Variants in TET1 observed in about 807,000 individuals in gnomAD.
TET1 encodes methylcytosine dioxygenase TET1.
Under a neutral mutation model 148.7 loss-of-function variants are expected in TET1, and 13 were observed. That is an observed-to-expected ratio of 0.09 (90% CI 0.06 to 0.14). TET1 has a LOEUF of 0.14. Among genes scored for constraint, TET1 ranks in the 10% least tolerant of loss-of-function variants. The probability of loss-of-function intolerance (pLI) is 1.00; values close to 1 mark genes in which losing one functional copy is unlikely to be tolerated. For missense variants in TET1, 2,182 were observed against 2,553.8 expected, an observed-to-expected ratio of 0.85 and a Z score of 3.14; for synonymous variants, 907 against 937.2, an observed-to-expected ratio of 0.97 and a Z score of 0.59.
intron 7 of TET1, among the ~76,000 whole-genome samples, chr10:68,670,104 G>A (rs1268836586): frequency 2.6e-5 from 4 of 152,046 alleles, no homozygotes; most frequent in Non-Finnish European, 5.9e-5. Context: ...AATAATACTT[G>A]AATGTATTTA....
intron 3 of TET1, among the ~76,000 whole-genome samples, chr10:68,641,653 C>A (rs1053463835): frequency 3.1e-5 from 3 of 97,798 alleles, no homozygotes; most frequent in East Asian, 3.2e-4. Flanking sequence ...CGTACGCCAC[C>A]CTGCCCGGCT....
chr10:68,633,433 T>C (rs1424767810), intron 3 of TET1, among the ~76,000 whole-genome samples: 1 of 151,922 alleles, frequency 6.6e-6, no homozygotes, highest in Non-Finnish European at 1.5e-5. Context: ...CAGGCTGGAG[T>C]ACAGTGGTGT....
At chr10:68,651,149 T>G (rs2054926218) in intron 4 of TET1, among the ~76,000 whole-genome samples, 1 of 152,192 alleles carries the variant, frequency 6.6e-6, no homozygotes, top group Non-Finnish European at 1.5e-5. Flanking sequence ...ACAAGGAACA[T>G]TCTTTTGTAA....
intron 2 of TET1, among the ~76,000 whole-genome samples, chr10:68,598,182 A>G (rs1247576114): frequency 2.6e-5 from 4 of 152,220 alleles, no homozygotes; most frequent in Non-Finnish European, 4.4e-5. Context: ...TGAGGTCAAG[A>G]GTCCGAGACC....
intron 8 of TET1, chr10:68,674,997 A>G: frequency 5.0e-6 from 2 of 399,436 alleles, no homozygotes; most frequent in South Asian, 4.5e-5. Context: ...GGGGAAACTC[A>G]TGGAGCTTTA....
At chr10:68,611,348 A>C (rs1488061174) in intron 3 of TET1, among the ~76,000 whole-genome samples, 1 of 151,948 alleles carries the variant, frequency 6.6e-6, no homozygotes, top group East Asian at 1.9e-4. Flanking sequence ...GCAGTAGCAC[A>C]CTCATGTAGT....
chr10:68,685,802 G>T (rs1366189009), intron 10 of TET1, among the ~76,000 whole-genome samples: 2 of 152,014 alleles, frequency 1.3e-5, no homozygotes, highest in African/African-American at 4.8e-5. Context: ...CTCCTCACTG[G>T]AATAGAGCAG....
intron 8 of TET1, chr10:68,673,429 G>A (rs1167317910): frequency 9.8e-6 from 4 of 407,644 alleles, no homozygotes; most frequent in African/African-American, 2.1e-5. Flanking sequence ...ACTAAAGGAC[G>A]TAATCCAGAA....
intron 2 of TET1, among the ~76,000 whole-genome samples, chr10:68,590,435 A>G (rs1394949529): frequency 6.6e-6 from 1 of 151,964 alleles, no homozygotes; most frequent in African/African-American, 2.4e-5. Flanking sequence ...CCCAGCTACT[A>G]CATGCTTTTC....
chr10:68,592,178 T>C (rs2053925943), intron 2 of TET1, among the ~76,000 whole-genome samples: 1 of 151,806 alleles, frequency 6.6e-6, no homozygotes. Context: ...TAGCTGGGCA[T>C]GGTGGCGGGC....
chr10:68,674,711 T>A, intron 8 of TET1: 1 of 482,040 alleles, frequency 2.1e-6, no homozygotes, highest in South Asian at 1.6e-5. Context: ...TACCGGTGCT[T>A]ACTTGCTTCA....
chr10:68,632,302 A>T lies in TET1; in HGVS notation c.1969-12396A>T, dbSNP rs2054585133. 11 of 1,306,280 alleles carry T rather than the reference A, an allele frequency of 8.4e-6. No individual in the cohort carries two copies. The South Asian group carries it at 1.3e-4, about 16-fold the overall frequency. The allele number at this position is 1,306,280 out of a possible 1,614,324, so 80.9% of individuals were successfully genotyped here. On this transcript the variant is annotated intron_variant, in intron 3 of 11. Coordinates refer to ENST00000373644, the MANE Select transcript of TET1 (RefSeq NM_030625.3). Reference sequence around the variant, plus strand: ...CCGCCACTGCACTCCAGCCTGGGTGACAGAGCCAGATTCCCTTTCAAAAAA... The same window carrying T: ...CCGCCACTGCACTCCAGCCTGGGTGTCAGAGCCAGATTCCCTTTCAAAAAA...
intron 3 of TET1, among the ~76,000 whole-genome samples, chr10:68,609,086 C>T (rs1443366662): frequency 6.6e-6 from 1 of 152,090 alleles, no homozygotes; most frequent in Non-Finnish European, 1.5e-5. Context: ...CAGCCAAAAC[C>T]TACTGGGCTC....
At position 68,632,247 on chromosome 10, in the gene TET1, G is replaced by A. The variant is rs973326529; in HGVS notation, c.1969-12451G>A. 5.7e-5 allele frequency: 44 copies of A among 769,642 alleles called. 2 individuals carry two copies. The Middle Eastern group carries it at 1.9e-3, about 34-fold the overall frequency. The allele number at this position is 769,642 out of a possible 1,614,324, so 47.7% of individuals were successfully genotyped here. A position where few individuals can be genotyped will look rare whatever the true frequency, so the allele number is the denominator to read the frequency against. On this transcript the variant is annotated intron_variant, in intron 3 of 11. Transcript: ENST00000373644. ...TGAGGCAGGAGAATGGCGTGAACCC[G>A]GGAGGCGGAGCTTGCAGTGAGCCGA...
At position 68,572,357 on chromosome 10, in the gene TET1, G is replaced by C. The variant is rs868113716; in HGVS notation, c.19G>C (p.Ala7Pro). 1 of 1,604,696 alleles carries C rather than the reference G, an allele frequency of 6.2e-7. No individual in the cohort carries two copies. The highest frequency in any genetic ancestry group is 1.4e-5 in the African/African-American group (1 of 73,936). MSRSRH[A>P]RPSRLVRKED... Reference sequence around the variant, plus strand: ...TGTAGCTATGTCTCGATCCCGCCATGCAAGGCCTTCCAGATTAGTCAGGAA... The same window carrying C: ...TGTAGCTATGTCTCGATCCCGCCATCCAAGGCCTTCCAGATTAGTCAGGAA... Residue 7 changes from alanine to proline, a missense_variant, in exon 2 of 12, where the codon GCA becomes CCA. By Grantham distance (27) the Ala-to-Pro change is conservative (BLOSUM62 -1). Coordinates refer to ENST00000373644, the MANE Select transcript of TET1 (RefSeq NM_030625.3).
At chr10:68,605,776 A>G (rs113034619) in intron 3 of TET1, among the ~76,000 whole-genome samples, 5,958 of 152,286 alleles carry the variant, frequency 0.039, 392 homozygotes, top group African/African-American at 0.14. Context: ...CAGCCTCCCA[A>G]AATGCTGGGA....
intron 3 of TET1, among the ~76,000 whole-genome samples, chr10:68,630,620 G>A (rs537624492): frequency 2.0e-5 from 3 of 152,264 alleles, no homozygotes; most frequent in East Asian, 1.9e-4. Flanking sequence ...TGGCCTAGAC[G>A]TGGTTGACTT....
rs1252405324 is a variant in TET1 at position 68,645,276 on chromosome 10, A to G, written c.2547A>G (p.Ile849Met). The G allele has an allele frequency of 2.5e-6, 4 of 1,614,054 alleles. No individual in the cohort carries two copies. In the African/African-American group the frequency reaches 5.3e-5, roughly 22 times the overall value. Reference protein sequence around the residue: ...SHSIINHHASIHNEGDQPKTP... With the variant: ...SHSIINHHASMHNEGDQPKTP... Reference sequence around the variant, plus strand: ...CCATCATAAATCATCATGCTAGTATACACAATGAAGGTGATCAACCAAAAA... The same window carrying G: ...CCATCATAAATCATCATGCTAGTATGCACAATGAAGGTGATCAACCAAAAA... The change falls in exon 4 of 12, where the codon ATA becomes ATG. Residue 849 changes from isoleucine to methionine, a missense_variant. By Grantham distance (10) the Ile-to-Met change is conservative. Transcript: ENST00000373644.
chr10:68,634,762 TTTTG>T (rs1176878905), intron 3 of TET1, among the ~76,000 whole-genome samples: 2 of 152,044 alleles, frequency 1.3e-5, no homozygotes, highest in Admixed American at 6.6e-5. Context: ...AAATGTTCTT[TTTTG>T]TTTGTTTGTT....
Sources: gnomAD v4.1 joint callset for allele counts (sites outside exome capture counted in the v4.1 genomes callset) on GRCh38, gnomAD v4.1.1 for gene constraint, MANE v1.5 for transcripts, NCBI Gene and HGNC (gene_info 2026-07-23, HGNC 2026-07-21) for gene names.